MRTFA: variants seen among roughly 807,000 people sequenced by gnomAD.
MRTFA encodes myocardin related transcription factor A.
A neutral mutation model predicts 83.5 loss-of-function variants in MRTFA; 20 were observed. The ratio of observed to expected loss-of-function variants is 0.24; its 90% CI spans 0.17 to 0.35. The LOEUF (loss-of-function observed/expected upper bound fraction) is 0.35. Among genes scored for constraint, MRTFA ranks in the 10% least tolerant of loss-of-function variants. The probability of loss-of-function intolerance (pLI) is 1.00; values close to 1 mark genes in which losing one functional copy is unlikely to be tolerated. For synonymous variants in MRTFA, 659 were observed against 541.2 expected, an observed-to-expected ratio of 1.22 and a Z score of -3.02; for missense variants, 1,200 against 1,224.7, an observed-to-expected ratio of 0.98 and a Z score of 0.30.
chr22:40,595,792 A>T (rs948280511), intron 1 of MRTFA, among the ~76,000 whole-genome samples: 3 of 151,028 alleles, frequency 2.0e-5, no homozygotes, highest in African/African-American at 7.3e-5. Flanking sequence ...CAAAGAGTGG[A>T]GAAAGTCTTT....
At chr22:40,594,622 A>C (rs1000037480) in intron 2 of MRTFA, 52 bp downstream of exon 2, 2 of 152,140 alleles carry the variant, frequency 1.3e-5, no homozygotes, top group Non-Finnish European at 2.9e-5. Context: ...GAAGATACTA[A>C]CGACCACATT....
intron 2 of MRTFA, chr22:40,587,444 A>C: frequency 2.9e-6 from 1 of 342,568 alleles, no homozygotes; most frequent in Non-Finnish European, 5.7e-6. Flanking sequence ...GCCAGCTCTC[A>C]TTTGCTGAGA....
chr22:40,446,919 T>C (rs73167045), intron 4 of MRTFA, among the ~76,000 whole-genome samples: 19,053 of 152,156 alleles, frequency 0.13, 1,393 homozygotes, highest in East Asian at 0.24. Flanking sequence ...AGCTTATACT[T>C]AATTGAAGAA....
At chr22:40,445,527 GT>G (rs111369048) in intron 4 of MRTFA, among the ~76,000 whole-genome samples, 2 of 150,902 alleles carry the variant, frequency 1.3e-5, no homozygotes, top group Non-Finnish European at 3.0e-5. Flanking sequence ...AAGCCAAGGG[GT>G]TTTTTTTTGT....
chr22:40,497,858 G>A (rs2054382399), intron 3 of MRTFA, among the ~76,000 whole-genome samples: 1 of 150,554 alleles, frequency 6.6e-6, no homozygotes, highest in African/African-American at 2.4e-5. Context: ...CCTTGGCCGG[G>A]CACAGTAGCT....
intron 4 of MRTFA, among the ~76,000 whole-genome samples, chr22:40,441,533 C>G (rs1472186863): frequency 6.6e-6 from 1 of 152,142 alleles, no homozygotes; most frequent in East Asian, 1.9e-4. Context: ...GCCCGTAATC[C>G]CAGCACTTTG....
intron 1 of MRTFA, among the ~76,000 whole-genome samples, chr22:40,617,148 AGGAAGGAAGGAAGGAG>A (rs1245301064): frequency 2.7e-5 from 3 of 112,224 alleles, no homozygotes; most frequent in South Asian, 3.6e-4. Context: ...GAGAGAAGGA[AGGAAGGAAGGAAGGAG>A]GGAAGGAGGG....
chr22:40,615,333 G>A (rs913993222), intron 1 of MRTFA, among the ~76,000 whole-genome samples: 1 of 152,134 alleles, frequency 6.6e-6, no homozygotes, highest in African/African-American at 2.4e-5. Flanking sequence ...GACTCTTTAT[G>A]GTGTTCCAAT....
rs2052492890 is a variant in MRTFA at position 40,410,720 on chromosome 22, G to GCATCCAGGC, written c.*661_*669dup. 8.6e-6 allele frequency: 2 copies of GCATCCAGGC among 233,204 alleles called. No individual in the cohort carries two copies. Among genetic ancestry groups the GCATCCAGGC allele is most frequent in the Non-Finnish European group, 1.7e-5 (2 of 117,904 alleles). 14.4% of individuals were successfully genotyped at this position (233,204 alleles called of 1,614,324 possible). ...TGGCACACAGCTCAAGGGTAACCTT[G>GCATCCAGGC]CATCCAGGCCCTTCTGTGAGAGTAG... On this transcript the variant is annotated 3_prime_UTR_variant, in exon 15 of 15. Transcript: ENST00000355630.
chr22:40,509,957 A>AT lies in MRTFA; in HGVS notation c.241+42148dup, dbSNP rs2054639901. ...AAACGTATTCTTCCCACTGCAGTAAATCAAGAAACAGCAGCCAAGTACTTT... is the reference window on the plus strand; with the variant it reads ...AAACGTATTCTTCCCACTGCAGTAAATTCAAGAAACAGCAGCCAAGTACTTT... On this transcript the variant is annotated intron_variant, in intron 3 of 14. Coordinates refer to ENST00000355630, the MANE Select transcript of MRTFA (RefSeq NM_020831.6). Among the ~76,000 whole-genome samples, 3 of 149,404 alleles carry AT rather than the reference A, an allele frequency of 2.0e-5. No individual in the cohort carries two copies. In the South Asian group the frequency reaches 6.4e-4, roughly 32 times the overall value.
intron 1 of MRTFA, among the ~76,000 whole-genome samples, chr22:40,612,484 C>T (rs185741272): frequency 7.2e-5 from 11 of 152,300 alleles, no homozygotes; most frequent in Non-Finnish European, 1.5e-4. Context: ...AAATTTGGCA[C>T]GCAAACGTTT....
At chr22:40,629,528 G>A (rs576506646) in intron 1 of MRTFA, among the ~76,000 whole-genome samples, 3 of 151,720 alleles carry the variant, frequency 2.0e-5, no homozygotes, top group Non-Finnish European at 2.9e-5. Context: ...TTGGGAGGCC[G>A]AGGCGGATGG....
Position 40,435,405 on chromosome 22 carries a change from T to C in MRTFA, c.363+94A>G, listed in dbSNP as rs1041897808. The stretch of plus-strand genomic sequence containing the variant: ...GTCTAGCAGGCTCTGGCCTCAGAGT[T>C]CTATGGAAAGCTCTAAATGGAAATA... On this transcript the variant is annotated intron_variant, in intron 5 of 14. Coordinates refer to ENST00000355630, the MANE Select transcript of MRTFA (RefSeq NM_020831.6). The C allele has an allele frequency of 9.4e-6, 13 of 1,381,388 alleles. No individual in the cohort carries two copies. In the African/African-American group the frequency reaches 1.6e-4, roughly 17 times the overall value. The allele number at this position is 1,381,388 out of a possible 1,614,324, so 85.6% of individuals were successfully genotyped here.
chr22:40,603,958 A>T (rs1391922267), intron 1 of MRTFA, among the ~76,000 whole-genome samples: 1 of 151,958 alleles, frequency 6.6e-6, no homozygotes, highest in East Asian at 1.9e-4. Flanking sequence ...GTGGTGGTTC[A>T]TTGCATTATT....
intron 4 of MRTFA, among the ~76,000 whole-genome samples, chr22:40,458,105 C>G (rs748425628): frequency 6.6e-6 from 1 of 152,172 alleles, no homozygotes; most frequent in Non-Finnish European, 1.5e-5. Context: ...CAGTGGCATT[C>G]CTGGTCTTAA....
At chr22:40,436,948 G>A (rs1403989770) in intron 4 of MRTFA, among the ~76,000 whole-genome samples, 2 of 148,652 alleles carry the variant, frequency 1.3e-5, no homozygotes, top group African/African-American at 2.4e-5. Context: ...CACCCCCAGC[G>A]GGGGGCTGGG....
chr22:40,468,687 C>G (rs1307003968), intron 3 of MRTFA, among the ~76,000 whole-genome samples: 20 of 152,186 alleles, frequency 1.3e-4, no homozygotes, highest in Admixed American at 1.3e-3. Context: ...TGCCCCTGGA[C>G]TAGAAATTAT....
chr22:40,410,680 C>A lies in MRTFA; in HGVS notation c.*710G>T. ...TGGGCCTGGGTAGCTGCATGCCAGA[C>A]TGGGCACCAGACTGTGGCACACAGC... On this transcript the variant is annotated 3_prime_UTR_variant, in exon 15 of 15. Coordinates refer to ENST00000355630, the MANE Select transcript of MRTFA (RefSeq NM_020831.6). 4.3e-6 allele frequency: 1 copy of A among 233,368 alleles called. No individual in the cohort carries two copies. The highest frequency in any genetic ancestry group is 8.5e-6 in the Non-Finnish European group (1 of 117,908). The allele number at this position is 233,368 out of a possible 1,614,324, so 14.5% of individuals were successfully genotyped here.
chr22:40,627,747 T>C (rs2056597514), intron 1 of MRTFA, among the ~76,000 whole-genome samples: 1 of 152,116 alleles, frequency 6.6e-6, no homozygotes, highest in Admixed American at 6.5e-5. Flanking sequence ...CTCAACAGTT[T>C]AGGAGGTCAA....
Sources: gnomAD v4.1 joint callset for allele counts (sites outside exome capture counted in the v4.1 genomes callset) on GRCh38, gnomAD v4.1.1 for gene constraint, MANE v1.5 for transcripts, NCBI Gene and HGNC (gene_info 2026-07-23, HGNC 2026-07-21) for gene names.